Variants in B3GALNT2 observed in about 807,000 individuals in gnomAD.
B3GALNT2 encodes beta-1,3-N-acetylgalactosaminyltransferase 2.
B3GALNT2 carries 53 observed loss-of-function variants against 61.1 expected under a neutral mutation model. The observed-to-expected ratio is 0.87, with a 90% CI of 0.70 to 1.09. B3GALNT2 has a LOEUF of 1.09. Among genes scored for constraint, B3GALNT2 ranks in the 50% least tolerant of loss-of-function variants. The pLI is 0.00. For missense variants in B3GALNT2, 544 were observed against 623.0 expected (o/e 0.87, Z 1.35); for synonymous variants, 223 against 237.4 (o/e 0.94, Z 0.56).
At position 235,484,517 on chromosome 1, in the gene B3GALNT2, T is replaced by A; in HGVS notation, c.362-2A>T. The A allele has an allele frequency of 6.2e-7, 1 of 1,613,844 alleles. No individual in the cohort carries two copies. Among genetic ancestry groups the A allele is most frequent in the Non-Finnish European group, 8.5e-7 (1 of 1,179,874 alleles). On this transcript the variant is annotated splice_acceptor_variant, in intron 3 of 11. Transcript: ENST00000366600. LOFTEE classifies it high-confidence loss of function. ...ACGCTTCAATTTCCTGATTCAAAAC[T>A]AAGTAATGAGAACAGGTTTATATAA... is the stretch of plus-strand genomic sequence containing the variant.
Position 235,448,424 on chromosome 1 carries a change from C to T in B3GALNT2, c.*1782G>A. The T allele has an allele frequency of 6.2e-7, 1 of 1,614,018 alleles. No individual in the cohort carries two copies. Among genetic ancestry groups the T allele is most frequent in the South Asian group, 1.1e-5 (1 of 91,076 alleles). ...GTTCCTGTGTCAGACCTTCTGTTGT[C>T]CTATGAAAGTCCCAAAGTAAGTTGC... On this transcript the variant is annotated 3_prime_UTR_variant, in exon 12 of 12. Coordinates refer to ENST00000366600, the MANE Select transcript of B3GALNT2 (RefSeq NM_152490.5).
rs143917509 is a variant in B3GALNT2, at chr1:235,448,414, C to A, written c.*1792G>T. ...TCTTCTCAAAGTTCCTGTGTCAGAC[C>A]TTCTGTTGTCCTATGAAAGTCCCAA... On this transcript the variant is annotated 3_prime_UTR_variant, in exon 12 of 12. Coordinates refer to ENST00000366600, the MANE Select transcript of B3GALNT2 (RefSeq NM_152490.5). 1,083 of 1,614,032 alleles carry A rather than the reference C, an allele frequency of 6.7e-4. 3 individuals carry two copies. The highest frequency in any genetic ancestry group is 1.2e-3 in the Admixed American group (74 of 60,008).
chr1:235,451,803 A>G (rs1016764972), intron 11 of B3GALNT2: 3 of 152,230 alleles, frequency 2.0e-5, no homozygotes, highest in Non-Finnish European at 2.9e-5. Context: ...AAGAATCCAG[A>G]ACAGAAATCT....
intron 1 of B3GALNT2, among the ~76,000 whole-genome samples, chr1:235,501,916 T>A (rs964650135): frequency 6.6e-6 from 1 of 152,048 alleles, no homozygotes; most frequent in Non-Finnish European, 1.5e-5. Flanking sequence ...GGTAAAGGAA[T>A]TATGGGAAAT....
chr1:235,488,450 G>A (rs555414070), intron 3 of B3GALNT2, among the ~76,000 whole-genome samples: 162 of 152,002 alleles, frequency 1.1e-3, no homozygotes, highest in Non-Finnish European at 1.5e-3. Context: ...TTGGGAGGCT[G>A]AGGCAGGTGG....
At chr1:235,476,362 G>GA (rs2102826870) in intron 5 of B3GALNT2, among the ~76,000 whole-genome samples, 1 of 151,568 alleles carries the variant, frequency 6.6e-6, no homozygotes, top group Admixed American at 6.6e-5. Context: ...AGTGAGCGGA[G>GA]ATCATGCCAC....
chr1:235,502,578 G>A (rs763999288), intron 1 of B3GALNT2, among the ~76,000 whole-genome samples: 45 of 152,096 alleles, frequency 3.0e-4, no homozygotes, highest in Non-Finnish European at 5.6e-4. Flanking sequence ...ATCTAGCCTG[G>A]TCTAACTACT....
At chr1:235,466,643 CTG>C (rs1683711291) in intron 6 of B3GALNT2, among the ~76,000 whole-genome samples, 1 of 152,190 alleles carries the variant, frequency 6.6e-6, no homozygotes, top group African/African-American at 2.4e-5. Flanking sequence ...GTGTGGGCCA[CTG>C]TGCCCAGCCT....
chr1:235,468,095 A>G (rs1421611553), intron 6 of B3GALNT2, among the ~76,000 whole-genome samples: 1 of 152,046 alleles, frequency 6.6e-6, no homozygotes, highest in African/African-American at 2.4e-5. Flanking sequence ...TTTATTTTTT[A>G]TTGTATATTT....
Position 235,458,740 on chromosome 1 carries a change from A to C in B3GALNT2, c.888T>G (p.Leu296=), listed in dbSNP as rs770068840. The C allele has an allele frequency of 3.1e-6, 5 of 1,610,608 alleles. No individual in the cohort carries two copies. The highest frequency in any genetic ancestry group is 1.7e-5 in the Admixed American group (1 of 59,352). The part of the protein sequence containing the change: ...LHNLHSRPQR[L]IDHIRNLHEE... The stretch of plus-strand genomic sequence containing the variant: ...CATGGAGATTCCTTATATGATCAAT[A>C]AGTCTTTGAGGGCGAGAATGAAGGT... Residue 296 remains leucine (L), a synonymous_variant, in exon 8 of 12, where the codon CTT becomes CTG. Coordinates refer to ENST00000366600, the MANE Select transcript of B3GALNT2 (RefSeq NM_152490.5).
chr1:235,489,952 A>G (rs1684985655), intron 2 of B3GALNT2, among the ~76,000 whole-genome samples: 1 of 152,142 alleles, frequency 6.6e-6, no homozygotes, highest in Non-Finnish European at 1.5e-5. Context: ...CTGCTGCTAA[A>G]TCAATAGACA....
chr1:235,439,959 G>T, the B3GALNT2 span, among the ~76,000 whole-genome samples: 1 of 149,918 alleles, frequency 6.7e-6, no homozygotes, highest in African/African-American at 2.5e-5. Context: ...ACACCACCAT[G>T]CCTGGCTAAT....
At chr1:235,454,747 T>A (rs1185531234) in intron 9 of B3GALNT2, among the ~76,000 whole-genome samples, 1 of 152,114 alleles carries the variant, frequency 6.6e-6, no homozygotes, top group Non-Finnish European at 1.5e-5. Flanking sequence ...CAGAAAAAAA[T>A]TTTCTTAATC....
intron 1 of B3GALNT2, 97 bp downstream of exon 1, chr1:235,504,043 TC>T: frequency 1.7e-6 from 2 of 1,173,278 alleles, no homozygotes; most frequent in Non-Finnish European, 2.1e-6. Context: ...GTTTGGCCCT[TC>T]CCCCGCCTCC....
chr1:235,499,361 G>C (rs1685484214), intron 1 of B3GALNT2, among the ~76,000 whole-genome samples: 1 of 152,086 alleles, frequency 6.6e-6, no homozygotes, highest in Non-Finnish European at 1.5e-5. Flanking sequence ...TTTTAAATCT[G>C]GGTGGTGATT....
At chr1:235,486,907 G>A (rs565890985) in intron 3 of B3GALNT2, among the ~76,000 whole-genome samples, 87 of 152,044 alleles carry the variant, frequency 5.7e-4, no homozygotes, top group Non-Finnish European at 1.6e-4. Context: ...GGTGGCTCAC[G>A]CCTATAATCC....
chr1:235,453,275 A>G, intron 10 of B3GALNT2, 129 bp from the exon 11 acceptor site: 1 of 877,316 alleles, frequency 1.1e-6, no homozygotes, highest in Non-Finnish European at 1.8e-6. Context: ...CTAATATGAA[A>G]TAGCAAAAAT....
chr1:235,440,437 G>A, the B3GALNT2 span, among the ~76,000 whole-genome samples: 2 of 151,936 alleles, frequency 1.3e-5, no homozygotes, highest in African/African-American at 2.4e-5. Flanking sequence ...TTGTTGCCCA[G>A]ACTGGAGTCC....
At chr1:235,465,820 T>C in intron 6 of B3GALNT2, 106 bp from the exon 7 acceptor site, 2 of 1,295,872 alleles carry the variant, frequency 1.5e-6, no homozygotes, top group African/African-American at 3.0e-5. Context: ...TTGCAGCAGA[T>C]AAATGCATGT....
Sources: allele counts gnomAD v4.1 joint callset (sites outside exome capture counted in the v4.1 genomes callset), GRCh38; gene constraint gnomAD v4.1.1; transcripts MANE v1.5; gene names NCBI Gene and HGNC (gene_info 2026-07-23, HGNC 2026-07-21).